WDFY4: variants seen among roughly 807,000 people sequenced by gnomAD.
WDFY4 encodes the protein WD repeat- and FYVE domain-containing protein 4.
In WDFY4, 169 loss-of-function variants were observed where a neutral mutation model predicts 351.9. That is an observed-to-expected ratio of 0.48 (90% CI 0.42 to 0.55). WDFY4 has a LOEUF of 0.55. WDFY4 is among the 20% of genes least tolerant of loss of function. WDFY4 has a pLI of 0.00. For missense variants in WDFY4, 3,803 were observed against 3,935.6 expected (o/e 0.97, Z 0.90); for synonymous variants, 1,622 against 1,574.6 (o/e 1.03, Z -0.71).
At chr10:48,697,044 A>G (rs2063349694) in intron 1 of WDFY4, among the ~76,000 whole-genome samples, 1 of 152,186 alleles carries the variant, frequency 6.6e-6, no homozygotes, top group East Asian at 1.9e-4. Flanking sequence ...CAGGCTGGCC[A>G]GAGGGACTAG....
intron 43 of WDFY4, among the ~76,000 whole-genome samples, chr10:48,880,936 G>T (rs1023543675): frequency 3.3e-5 from 5 of 152,148 alleles, no homozygotes; most frequent in African/African-American, 1.2e-4. Flanking sequence ...TACAGGCAGG[G>T]GTGGGGTAAA....
chr10:48,940,256 C>G (rs897952685), intron 47 of WDFY4, among the ~76,000 whole-genome samples: 1 of 152,242 alleles, frequency 6.6e-6, no homozygotes, highest in African/African-American at 2.4e-5. Context: ...TCACTTGACC[C>G]TTTACAAGCT....
chr10:48,725,864 ATCT>A lies in WDFY4; in HGVS notation c.592-12_592-10del, dbSNP rs761224779. The A allele has an allele frequency of 2.2e-4, 344 of 1,531,998 alleles. 1 individual carries two copies. In the African/African-American group the frequency reaches 3.7e-3, roughly 17 times the overall value. 94.9% of individuals were successfully genotyped at this position (1,531,998 alleles called of 1,614,324 possible). A position where few individuals can be genotyped will look rare whatever the true frequency, so the allele number is the denominator to read the frequency against. On this transcript the variant is annotated splice_polypyrimidine_tract_variant and intron_variant, in intron 5 of 61. Coordinates refer to ENST00000325239, the MANE Select transcript of WDFY4 (RefSeq NM_001394531.1). ...CCTAACCAGGTCTCCTTGACTGTTT[ATCT>A]TCTTATTTTTCAGATGTTGCTCAAT... is the stretch of plus-strand genomic sequence containing the variant.
chr10:48,777,527 C>T (rs374066390), intron 17 of WDFY4, 32 bp downstream of exon 17: 2 of 1,533,196 alleles, frequency 1.3e-6, no homozygotes, highest in South Asian at 2.4e-5. Context: ...TTTAGCTCTC[C>T]ATCCCTTCCA....
Position 48,743,314 on chromosome 10 carries a change from T to C in WDFY4, c.2225T>C (p.Phe742Ser). 2 of 1,551,568 alleles carry C rather than the reference T, an allele frequency of 1.3e-6. No individual in the cohort carries two copies. Among genetic ancestry groups the C allele is most frequent in the South Asian group, 1.2e-5 (1 of 84,052 alleles). Residue 742 changes from phenylalanine to serine, a missense_variant, in exon 12 of 62, where the codon TTT (phenylalanine) becomes TCT (serine). By Grantham distance (155) the Phe-to-Ser change is radical (BLOSUM62 -2). Coordinates refer to ENST00000325239, the MANE Select transcript of WDFY4 (RefSeq NM_001394531.1). ...TGGGTGGACACAAAGGCCAGGCCAT[T>C]TGCAGATTTGCTGGGCACTGCCTTT... is the stretch of plus-strand genomic sequence containing the variant. ...RSWVDTKARP[F>S]ADLLGTAFSS...
chr10:48,787,980 T>TCTTCTTCTTCTTCTC (rs2066540212), intron 20 of WDFY4, among the ~76,000 whole-genome samples: 9 of 52,992 alleles, frequency 1.7e-4, no homozygotes, highest in East Asian at 4.6e-4. Flanking sequence ...TTCTTCTTCT[T>TCTTCTTCTTCTTCTC]CTTCTCCTTC....
intron 12 of WDFY4, among the ~76,000 whole-genome samples, chr10:48,753,629 A>G (rs1350770452): frequency 6.6e-6 from 1 of 152,102 alleles, no homozygotes; most frequent in Non-Finnish European, 1.5e-5. Context: ...CCCTTCTTAA[A>G]TTGTCTTTGT....
chr10:48,799,714 A>G (rs919229160), intron 24 of WDFY4, among the ~76,000 whole-genome samples: 1 of 152,046 alleles, frequency 6.6e-6, no homozygotes, highest in African/African-American at 2.4e-5. Flanking sequence ...GGGAGGTTGC[A>G]GTGAGCCGAG....
Position 48,807,938 on chromosome 10 carries a change from C to T in WDFY4, c.4818C>T (p.Pro1606=), listed in dbSNP as rs954569410. Residue 1606 remains proline (P), a synonymous_variant, in exon 28 of 62, where the codon CCC becomes CCT. Transcript: ENST00000325239. ...TGCTGCTCAGTGTAATATCTTCCCC[C>T]CAGCTTCATCTGTCCTCTGAGTAAG... is the stretch of plus-strand genomic sequence containing the variant. ...LEMLLSVISS[P]QLHLSSESKE... is the part of the protein sequence containing the mutation. 1.3e-6 allele frequency: 2 copies of T among 1,547,198 alleles called. No homozygotes were observed. The highest frequency in any genetic ancestry group is 1.7e-6 in the Non-Finnish European group (2 of 1,145,362).
In WDFY4 at chr10:48,727,667, G is replaced by A; in HGVS notation, c.971+8G>A. On this transcript the variant is annotated splice_region_variant and intron_variant, in intron 7 of 61. Transcript: ENST00000325239. ...GCTCAAAGTGTTACTTCGGTAAGTGGCTGTGTTTGGTACGGGGAGAGCACA... is the reference window on the plus strand; with the variant it reads ...GCTCAAAGTGTTACTTCGGTAAGTGACTGTGTTTGGTACGGGGAGAGCACA... 6.4e-7 allele frequency: 1 copy of A among 1,551,752 alleles called. No individual in the cohort carries two copies. Among genetic ancestry groups the A allele is most frequent in the East Asian group, 2.4e-5 (1 of 40,920 alleles).
At chr10:48,946,690 G>C (rs1415767204) in intron 50 of WDFY4, among the ~76,000 whole-genome samples, 170 bp from the exon 51 acceptor site, 1 of 152,184 alleles carries the variant, frequency 6.6e-6, no homozygotes, top group Non-Finnish European at 1.5e-5. Flanking sequence ...CCACATTCAC[G>C]TGCCGTCTGT....
rs796166984 is a variant in WDFY4, at chr10:48,787,807, C to CTCCTCCTCTTCTTCT, written c.3809-721_3809-720insCTCCTCTTCTTCTTC. On this transcript the variant is annotated intron_variant, in intron 20 of 61. Coordinates refer to ENST00000325239, the MANE Select transcript of WDFY4 (RefSeq NM_001394531.1). ...CCTCTTCCTCCTCCTCCTCCTCCTC[C>CTCCTCCTCTTCTTCT]TCTTCTTCTTCTTCTTCTTCTTCTT... is the stretch of plus-strand genomic sequence containing the variant. Among the ~76,000 whole-genome samples, 59 of 76,736 alleles carry CTCCTCCTCTTCTTCT rather than the reference C, an allele frequency of 7.7e-4. 3 individuals carry two copies. The highest frequency in any genetic ancestry group is 2.5e-3 in the African/African-American group (39 of 15,848). 50.3% of individuals were successfully genotyped at this position (76,736 alleles called of 152,430 possible).
At chr10:48,765,485 G>T (rs1316357495) in intron 13 of WDFY4, among the ~76,000 whole-genome samples, 1 of 152,218 alleles carries the variant, frequency 6.6e-6, no homozygotes, top group Non-Finnish European at 1.5e-5. Context: ...AACATGCACA[G>T]GGACACAGGA....
At chr10:48,836,804 C>A (rs1053575061) in intron 39 of WDFY4, among the ~76,000 whole-genome samples, 7 of 152,146 alleles carry the variant, frequency 4.6e-5, no homozygotes, top group Middle Eastern at 3.2e-3. Flanking sequence ...TCCCTTGAGG[C>A]CACCAAAGGG....
Position 48,786,620 on chromosome 10 carries a change from G to A in WDFY4, c.3577-19G>A. On this transcript the variant is annotated intron_variant, in intron 19 of 61. Transcript: ENST00000325239. Reference sequence around the variant, plus strand: ...CTGAGATCAAACACTACTCACTCTTGTCCTTTTTATTTTAACAGATGTTAT... The same window carrying A: ...CTGAGATCAAACACTACTCACTCTTATCCTTTTTATTTTAACAGATGTTAT... 6.5e-7 allele frequency: 1 copy of A among 1,540,196 alleles called. No homozygotes were observed. Among genetic ancestry groups the A allele is most frequent in the African/African-American group, 1.4e-5 (1 of 72,632 alleles).
chr10:48,725,695 C>A (rs988362262), intron 5 of WDFY4, among the ~76,000 whole-genome samples, 186 bp from the exon 6 acceptor site: 1 of 152,094 alleles, frequency 6.6e-6, no homozygotes, highest in African/African-American at 2.4e-5. Context: ...AGCCCCAGGC[C>A]CTGCCACCCT....
rs1369278266 is a variant in WDFY4, at chr10:48,963,887, G to T, written c.8269G>T (p.Asp2757Tyr). The stretch of plus-strand genomic sequence containing the variant: ...CAGTGCCAACCTCCACCATTGGATA[G>T]ACCTTATTTTTGGGTACAAGCAGCA... ...FVSANLHHWI[D>Y]LIFGYKQQGP... Residue 2757 changes from aspartate (D) to tyrosine (Y), a missense_variant, in exon 54 of 62, where the codon GAC (aspartate) becomes TAC (tyrosine). Physicochemically the swap from Asp to Tyr is radical, Grantham distance 160. Around this residue, in one of 3 missense-constraint regions of WDFY4, gnomAD observed 3,054 missense variants for 3,148.6 expected, o/e 0.97. Transcript: ENST00000325239. 2 of 1,551,570 alleles carry T rather than the reference G, an allele frequency of 1.3e-6. No individual in the cohort carries two copies. Among genetic ancestry groups the T allele is most frequent in the Non-Finnish European group, 1.7e-6 (2 of 1,147,012 alleles).
At chr10:48,757,322 A>G (rs960281562) in intron 12 of WDFY4, among the ~76,000 whole-genome samples, 2 of 152,078 alleles carry the variant, frequency 1.3e-5, no homozygotes, top group South Asian at 2.1e-4. Flanking sequence ...TGTAAAGTGC[A>G]AACACGTTTT....
intron 47 of WDFY4, among the ~76,000 whole-genome samples, chr10:48,939,435 C>G (rs1341849374): frequency 6.6e-6 from 1 of 152,118 alleles, no homozygotes; most frequent in Non-Finnish European, 1.5e-5. Context: ...TCGGGGCCCC[C>G]CATTTAAGTG....
Sources: gnomAD v4.1 joint callset for allele counts (sites outside exome capture counted in the v4.1 genomes callset) on GRCh38, gnomAD v4.1.1 for gene constraint, gnomAD v4.1.1 regional missense constraint, MANE v1.5 for transcripts, NCBI Gene and HGNC (gene_info 2026-07-23, HGNC 2026-07-21) for gene names.